DPP10: variants seen among roughly 807,000 people sequenced by gnomAD.
The protein encoded by DPP10 is inactive dipeptidyl peptidase 10.
Under a neutral mutation model 120.9 loss-of-function variants are expected in DPP10, and 33 were observed. The observed-to-expected ratio is 0.27, with a 90% CI of 0.21 to 0.37. DPP10 has a LOEUF of 0.37. Among genes scored for constraint, DPP10 ranks in the 10% least tolerant of loss-of-function variants. The probability of loss-of-function intolerance (pLI) is 1.00; values close to 1 mark genes in which losing one functional copy is unlikely to be tolerated. For synonymous variants in DPP10, 337 were observed against 326.1 expected (o/e 1.03, Z -0.36); for missense variants, 816 against 942.8 (o/e 0.87, Z 1.76).
At chr2:115,748,052 G>A (rs1314955572) in intron 10 of DPP10, among the ~76,000 whole-genome samples, 1 of 151,842 alleles carries the variant, frequency 6.6e-6, no homozygotes, top group Admixed American at 6.6e-5. Flanking sequence ...TATATAAATT[G>A]AATTATTAAT....
At chr2:115,015,396 A>C (rs963541610) in intron 1 of DPP10, among the ~76,000 whole-genome samples, 18 of 152,226 alleles carry the variant, frequency 1.2e-4, no homozygotes, top group African/African-American at 3.9e-4. Flanking sequence ...CCTATATCAT[A>C]CTGAATGGGC....
chr2:114,537,662 C>G (rs1686623515), intron 1 of DPP10, among the ~76,000 whole-genome samples: 1 of 152,148 alleles, frequency 6.6e-6, no homozygotes, highest in Non-Finnish European at 1.5e-5. Flanking sequence ...CACTTCTATT[C>G]CATCCCATTT....
intron 1 of DPP10, among the ~76,000 whole-genome samples, chr2:114,604,346 C>A (rs919591487): frequency 2.0e-5 from 3 of 152,070 alleles, no homozygotes; most frequent in African/African-American, 7.2e-5. Context: ...CAGGCCTTCT[C>A]AGTTTATATT....
chr2:115,474,243 C>A (rs966064435), intron 3 of DPP10, among the ~76,000 whole-genome samples: 3 of 152,092 alleles, frequency 2.0e-5, no homozygotes, highest in Admixed American at 2.0e-4. Flanking sequence ...CAAGAGAAAA[C>A]TTTTCTGTTT....
At chr2:115,719,006 C>G (rs1474597472) in intron 7 of DPP10, among the ~76,000 whole-genome samples, 1 of 152,044 alleles carries the variant, frequency 6.6e-6, no homozygotes, top group Admixed American at 6.6e-5. Context: ...CAGTTTATTT[C>G]TCGGGGCCTG....
chr2:114,778,733 G>T (rs1030697246), intron 1 of DPP10, among the ~76,000 whole-genome samples: 2 of 151,924 alleles, frequency 1.3e-5, no homozygotes, highest in Non-Finnish European at 2.9e-5. Context: ...AAAATCGGTC[G>T]CATGACTGCA....
intron 1 of DPP10, among the ~76,000 whole-genome samples, chr2:115,089,815 TCATGTTCC>T (rs1709089457): frequency 6.6e-6 from 1 of 152,248 alleles, no homozygotes; most frequent in Non-Finnish European, 1.5e-5. Context: ...GTCTGCACTT[TCATGTTCC>T]ATGAAAACCA....
chr2:114,755,711 G>A (rs1679668026), intron 1 of DPP10, among the ~76,000 whole-genome samples: 2 of 152,238 alleles, frequency 1.3e-5, no homozygotes, highest in African/African-American at 4.8e-5. Context: ...TTCAGACTTA[G>A]AGCACTGTAA....
At chr2:114,998,437 G>A (rs1701235264) in intron 1 of DPP10, among the ~76,000 whole-genome samples, 1 of 152,058 alleles carries the variant, frequency 6.6e-6, no homozygotes, top group South Asian at 2.1e-4. Flanking sequence ...GCATTTAGTT[G>A]CAAGTAATAA....
chr2:114,899,935 G>A (rs931486752), intron 1 of DPP10, among the ~76,000 whole-genome samples: 1 of 152,250 alleles, frequency 6.6e-6, no homozygotes, highest in Non-Finnish European at 1.5e-5. Context: ...ACTCCAGCCT[G>A]GGTGACAGAG....
At position 115,769,786 on chromosome 2, in the gene DPP10, C is replaced by A. The variant is rs185677165; in HGVS notation, c.1221+1382C>A. 2.1e-3 allele frequency among the ~76,000 whole-genome samples: 315 copies of A among 151,978 alleles called. 6 individuals carry two copies. The highest frequency in any genetic ancestry group is 0.019 in the Admixed American group (292 of 15,248). ...ATGAAACTGAAAGGAAATAGACTAGCAAATTACTTTACTTTATAAACTTTT... is the reference window on the plus strand; with the variant it reads ...ATGAAACTGAAAGGAAATAGACTAGAAAATTACTTTACTTTATAAACTTTT... On this transcript the variant is annotated intron_variant, in intron 13 of 25. Transcript: ENST00000410059.
At chr2:114,917,089 G>T (rs1231675863) in intron 1 of DPP10, among the ~76,000 whole-genome samples, 3 of 152,164 alleles carry the variant, frequency 2.0e-5, no homozygotes, top group Admixed American at 2.0e-4. Context: ...CTGCCCAAAT[G>T]TTCCTAGAAC....
rs5833569 is a variant in DPP10 at position 114,938,729 on chromosome 2, CTT to C, written c.61-370493_61-370492del. ...CAAATTGCCCATTTACACTTTGTCC[CTT>C]TTTTTTTTTTTTTTTTGGTCAGAGG... On this transcript the variant is annotated intron_variant, in intron 1 of 25. Coordinates refer to ENST00000410059, the MANE Select transcript of DPP10 (RefSeq NM_020868.6). Among the ~76,000 whole-genome samples the C allele has an allele frequency of 5.8e-3, 590 of 102,558 alleles. 3 individuals are homozygous for C. The highest frequency in any genetic ancestry group is 0.014 in the East Asian group (50 of 3,576). 67.3% of individuals were successfully genotyped at this position (102,558 alleles called of 152,430 possible). A position where few individuals can be genotyped will look rare whatever the true frequency, so the allele number is the denominator to read the frequency against.
chr2:115,041,107 T>C (rs1429721349), intron 1 of DPP10, among the ~76,000 whole-genome samples: 1 of 85,314 alleles, frequency 1.2e-5, no homozygotes, highest in Non-Finnish European at 2.3e-5. Flanking sequence ...CGACAGAGCC[T>C]AGCTCAAAAC....
At chr2:115,326,320 CTG>C (rs2062362218) in intron 2 of DPP10, among the ~76,000 whole-genome samples, 1 of 152,026 alleles carries the variant, frequency 6.6e-6, no homozygotes, top group East Asian at 1.9e-4. Context: ...ATTCATTACT[CTG>C]GTGTTTTTGG....
At chr2:114,606,409 T>G (rs1024943320) in intron 1 of DPP10, among the ~76,000 whole-genome samples, 2 of 152,252 alleles carry the variant, frequency 1.3e-5, no homozygotes, top group African/African-American at 4.8e-5. Flanking sequence ...ATGCTGCTTG[T>G]ATTTCAGTGT....
intron 5 of DPP10, among the ~76,000 whole-genome samples, chr2:115,530,885 G>A (rs974129624): frequency 3.3e-5 from 5 of 152,070 alleles, no homozygotes; most frequent in Admixed American, 3.3e-4. Flanking sequence ...ATAATGTGCA[G>A]CTAGGGTTGA....
intron 1 of DPP10, among the ~76,000 whole-genome samples, chr2:114,989,502 C>T (rs1450697658): frequency 6.6e-6 from 1 of 152,128 alleles, no homozygotes; most frequent in Admixed American, 6.5e-5. Context: ...ATTGTTGCAG[C>T]AAGTTGTAAA....
intron 1 of DPP10, among the ~76,000 whole-genome samples, chr2:114,719,529 A>G (rs1260328375): frequency 6.6e-6 from 1 of 152,160 alleles, no homozygotes; most frequent in Admixed American, 6.5e-5. Flanking sequence ...TGATCCACAG[A>G]CAGCTGATCC....
Sources: gnomAD v4.1 joint callset for allele counts (sites outside exome capture counted in the v4.1 genomes callset) on GRCh38, gnomAD v4.1.1 for gene constraint, MANE v1.5 for transcripts, NCBI Gene and HGNC (gene_info 2026-07-23, HGNC 2026-07-21) for gene names.